The following ASTN2 variants were observed in gnomAD, a reference collection of about 807,000 sequenced individuals.
ASTN2 encodes the protein astrotactin-2.
ASTN2 carries 54 observed loss-of-function variants against 139.8 expected under a neutral mutation model. The ratio of observed to expected loss-of-function variants is 0.39; its 90% CI spans 0.31 to 0.48. The LOEUF (loss-of-function observed/expected upper bound fraction) is 0.48, where lower values mean the gene tolerates loss of function less well. Among genes scored for constraint, ASTN2 ranks in the 20% least tolerant of loss-of-function variants. The pLI, the probability that ASTN2 is intolerant of heterozygous loss-of-function variation, is 0.95. For missense variants in ASTN2, 1,565 were observed against 1,725.1 expected, an observed-to-expected ratio of 0.91 and a Z score of 1.64; for synonymous variants, 756 against 719.5, an observed-to-expected ratio of 1.05 and a Z score of -0.81.
intron 11 of ASTN2, among the ~76,000 whole-genome samples, chr9:116,860,320 T>C (rs1230866570): frequency 6.6e-6 from 1 of 152,368 alleles, no homozygotes; most frequent in Non-Finnish European, 1.5e-5. Context: ...CCTAAATTTG[T>C]GTGGCCCCAA....
intron 19 of ASTN2, among the ~76,000 whole-genome samples, chr9:116,602,808 C>T (rs1253697964): frequency 6.6e-6 from 1 of 152,040 alleles, no homozygotes. Context: ...CATGCATCTA[C>T]AGTCCCAGCT....
chr9:116,475,169 G>T (rs954763904), intron 20 of ASTN2, among the ~76,000 whole-genome samples: 1 of 152,146 alleles, frequency 6.6e-6, no homozygotes, highest in Non-Finnish European at 1.5e-5. Context: ...TAATTAGGAG[G>T]TTTCACATAA....
chr9:116,465,702 C>T (rs906692283), intron 20 of ASTN2, among the ~76,000 whole-genome samples: 4 of 152,096 alleles, frequency 2.6e-5, no homozygotes, highest in South Asian at 2.1e-4. Flanking sequence ...AGGATCATGG[C>T]GCAAATTTAA....
At chr9:117,073,116 A>C (rs1464916139) in intron 5 of ASTN2, among the ~76,000 whole-genome samples, 1 of 151,962 alleles carries the variant, frequency 6.6e-6, no homozygotes, top group Non-Finnish European at 1.5e-5. Context: ...AAAGAGAAAG[A>C]CTGCCGAAAT....
At chr9:117,122,636 G>A (rs1829586444) in intron 4 of ASTN2, among the ~76,000 whole-genome samples, 1 of 152,124 alleles carries the variant, frequency 6.6e-6, no homozygotes, top group South Asian at 2.1e-4. Flanking sequence ...TCGATTTACT[G>A]GCTAGGGGCT....
At chr9:117,340,045 T>C (rs1343799676) in intron 1 of ASTN2, among the ~76,000 whole-genome samples, 1 of 151,636 alleles carries the variant, frequency 6.6e-6, no homozygotes, top group African/African-American at 2.4e-5. Context: ...AAATGACAGC[T>C]CTCAGAGACA....
At chr9:116,806,571 CT>C (rs1444171969) in intron 12 of ASTN2, among the ~76,000 whole-genome samples, 1 of 152,110 alleles carries the variant, frequency 6.6e-6, no homozygotes, top group Non-Finnish European at 1.5e-5. Flanking sequence ...AAGTTCAGCG[CT>C]AAGCACTAGG....
At chr9:117,335,865 T>C (rs1043681614) in intron 1 of ASTN2, among the ~76,000 whole-genome samples, 2 of 151,982 alleles carry the variant, frequency 1.3e-5, no homozygotes, top group Admixed American at 1.3e-4. Context: ...GTACCCAGAG[T>C]TGGAATCTCA....
At chr9:117,378,407 T>C (rs1371693305) in intron 1 of ASTN2, among the ~76,000 whole-genome samples, 1 of 152,200 alleles carries the variant, frequency 6.6e-6, no homozygotes, top group Non-Finnish European at 1.5e-5. Flanking sequence ...GTGGTGGTCT[T>C]GTTCAGGATG....
At chr9:116,831,811 GAGGTTTTGAT>G (rs1177101766) in intron 11 of ASTN2, among the ~76,000 whole-genome samples, 1 of 152,048 alleles carries the variant, frequency 6.6e-6, no homozygotes, top group Non-Finnish European at 1.5e-5. Flanking sequence ...AAATCATGCC[GAGGTTTTGAT>G]AGGAATTATA....
intron 19 of ASTN2, among the ~76,000 whole-genome samples, chr9:116,545,100 C>A (rs1852035310): frequency 6.6e-6 from 1 of 152,202 alleles, no homozygotes; most frequent in Non-Finnish European, 1.5e-5. Flanking sequence ...ACTGCACCAG[C>A]AACTGCTGGC....
chr9:117,198,979 G>T (rs1034468230), intron 3 of ASTN2, among the ~76,000 whole-genome samples: 9 of 151,744 alleles, frequency 5.9e-5, no homozygotes, highest in African/African-American at 1.9e-4. Flanking sequence ...TTTTGACAGG[G>T]TTGTTTTTTT....
chr9:116,611,348 A>G (rs1855530248), intron 19 of ASTN2: 1 of 152,218 alleles, frequency 6.6e-6, no homozygotes, highest in African/African-American at 2.4e-5. Context: ...CTACCATTTC[A>G]AAAATTAAAA....
intron 1 of ASTN2, among the ~76,000 whole-genome samples, chr9:117,335,959 T>C (rs1034384059): frequency 2.0e-5 from 3 of 150,792 alleles, no homozygotes; most frequent in Admixed American, 6.7e-5. Flanking sequence ...CATTTAGCAA[T>C]GCTCATAAAT....
intron 11 of ASTN2, among the ~76,000 whole-genome samples, chr9:116,839,843 TTA>T (rs1491439788): frequency 5.3e-4 from 58 of 109,868 alleles, no homozygotes; most frequent in African/African-American, 2.1e-3. Context: ...GCTGATTTTT[TTA>T]TTTTATTTTA....
chr9:116,565,377 CTCTCTCTCTCCATATATATATATATA>C (rs1428251870), intron 19 of ASTN2, among the ~76,000 whole-genome samples: 27 of 33,160 alleles, frequency 8.1e-4, no homozygotes, highest in African/African-American at 1.6e-3. Flanking sequence ...CTCTCTCTCT[CTCTCTCTCTCCATATATATATATATA>C]TATATATATA....
chr9:116,847,879 G>A (rs1832487202), intron 11 of ASTN2, among the ~76,000 whole-genome samples: 1 of 152,174 alleles, frequency 6.6e-6, no homozygotes, highest in Admixed American at 6.5e-5. Context: ...ATAATATCCT[G>A]AGGTGCAGAG....
chr9:116,804,961 C>T (rs1459339450), intron 13 of ASTN2, among the ~76,000 whole-genome samples: 1 of 151,860 alleles, frequency 6.6e-6, no homozygotes, highest in African/African-American at 2.4e-5. Context: ...CTTAAAGTTT[C>T]TCTTCTTTAG....
intron 1 of ASTN2, among the ~76,000 whole-genome samples, chr9:117,346,554 A>G (rs1271904936): frequency 6.6e-6 from 1 of 152,186 alleles, no homozygotes; most frequent in Non-Finnish European, 1.5e-5. Context: ...CTTTCATTTT[A>G]CAGACATGAA....
Sources: allele counts gnomAD v4.1 joint callset (sites outside exome capture counted in the v4.1 genomes callset), GRCh38; gene constraint gnomAD v4.1.1; transcripts MANE v1.5; gene names NCBI Gene and HGNC (gene_info 2026-07-23, HGNC 2026-07-21).